The following PPP3CA variants were observed in gnomAD, a reference collection of about 807,000 sequenced individuals.
PPP3CA encodes the protein CAM-PRP catalytic subunit.
In PPP3CA, 14 loss-of-function variants were observed where a neutral mutation model predicts 66.5. The observed-to-expected ratio is 0.21, with a 90% CI of 0.14 to 0.33. PPP3CA has a LOEUF of 0.33. Among genes scored for constraint, PPP3CA ranks in the 10% least tolerant of loss-of-function variants. PPP3CA has a pLI of 1.00. For missense variants in PPP3CA, 317 were observed against 639.5 expected, an observed-to-expected ratio of 0.50 and a Z score of 5.44; for synonymous variants, 232 against 226.2, an observed-to-expected ratio of 1.03 and a Z score of -0.23.
At chr4:101,287,716 C>T (rs1389247534) in intron 1 of PPP3CA, among the ~76,000 whole-genome samples, 2 of 151,120 alleles carry the variant, frequency 1.3e-5, no homozygotes, top group Non-Finnish European at 2.9e-5. Flanking sequence ...ATACAGATCA[C>T]GTGGCATTAA....
At chr4:101,110,169 T>C (rs890495071) in intron 2 of PPP3CA, among the ~76,000 whole-genome samples, 2 of 152,206 alleles carry the variant, frequency 1.3e-5, no homozygotes, top group South Asian at 4.1e-4. Context: ...TGTGGCTGCT[T>C]CTGCAACACT....
At chr4:101,167,089 T>C (rs933639067) in intron 2 of PPP3CA, among the ~76,000 whole-genome samples, 6 of 152,160 alleles carry the variant, frequency 3.9e-5, no homozygotes, top group Admixed American at 3.3e-4. Context: ...TAACTAAACA[T>C]GTTGGCATCA....
At chr4:101,172,111 T>C (rs1723902321) in intron 2 of PPP3CA, among the ~76,000 whole-genome samples, 1 of 152,142 alleles carries the variant, frequency 6.6e-6, no homozygotes, top group Non-Finnish European at 1.5e-5. Flanking sequence ...AATGCCATCA[T>C]ATCCAGAGTA....
intron 2 of PPP3CA, among the ~76,000 whole-genome samples, chr4:101,173,919 G>A (rs1355935699): frequency 6.6e-6 from 1 of 152,054 alleles, no homozygotes; most frequent in Admixed American, 6.6e-5. Context: ...GGGAATGGTG[G>A]TGGGTGCCTG....
At position 101,251,335 on chromosome 4, in the gene PPP3CA, A is replaced by G. The variant is rs1726670788; in HGVS notation, c.59-55219T>C. ...TTCATTATATTGTACTTATAAATAA[A>G]GGGCCTTAGAAATCTTTACTTATGT... On this transcript the variant is annotated intron_variant, in intron 1 of 13. Transcript: ENST00000394854. Among the ~76,000 whole-genome samples, 5 of 152,240 alleles carry G rather than the reference A, an allele frequency of 3.3e-5. 1 individual carries two copies. In the South Asian group the frequency reaches 1.0e-3, roughly 32 times the overall value.
intron 2 of PPP3CA, among the ~76,000 whole-genome samples, chr4:101,185,918 A>C (rs1223425718): frequency 6.6e-6 from 1 of 152,164 alleles, no homozygotes; most frequent in Non-Finnish European, 1.5e-5. Flanking sequence ...ATATCCAAAG[A>C]ACACCTATCT....
chr4:101,045,469 C>T (rs1356605318), intron 10 of PPP3CA, among the ~76,000 whole-genome samples: 1 of 152,148 alleles, frequency 6.6e-6, no homozygotes, highest in Non-Finnish European at 1.5e-5. Flanking sequence ...AAACTGCTTG[C>T]AGGTACAAGA....
At chr4:101,166,500 C>T (rs1002730873) in intron 2 of PPP3CA, among the ~76,000 whole-genome samples, 3 of 151,822 alleles carry the variant, frequency 2.0e-5, no homozygotes, top group African/African-American at 4.8e-5. Context: ...GAAAGTTGTC[C>T]CAAAAAGGCA....
At chr4:101,070,777 C>T (rs1260535327) in intron 8 of PPP3CA, among the ~76,000 whole-genome samples, 1 of 152,074 alleles carries the variant, frequency 6.6e-6, no homozygotes, top group Non-Finnish European at 1.5e-5. Context: ...TGTGTTATAC[C>T]TACATACTAG....
intron 2 of PPP3CA, among the ~76,000 whole-genome samples, chr4:101,195,329 G>A (rs906938723): frequency 6.6e-6 from 1 of 151,246 alleles, no homozygotes; most frequent in Admixed American, 6.6e-5. Flanking sequence ...AGAAAAAAAT[G>A]TGTCCTTCTT....
chr4:101,139,696 G>GTT (rs372257350), intron 2 of PPP3CA, among the ~76,000 whole-genome samples: 1,646 of 98,274 alleles, frequency 0.017, 28 homozygotes, highest in Admixed American at 0.03. Flanking sequence ...TTTTTTTTGT[G>GTT]TTTTTTTTTT....
At chr4:101,291,262 C>A (rs1374574725) in intron 1 of PPP3CA, among the ~76,000 whole-genome samples, 1 of 152,142 alleles carries the variant, frequency 6.6e-6, no homozygotes, top group Admixed American at 6.5e-5. Context: ...GGGGCCAATT[C>A]TTCATTTGAA....
At chr4:101,179,605 T>C (rs1010262060) in intron 2 of PPP3CA, among the ~76,000 whole-genome samples, 4 of 152,092 alleles carry the variant, frequency 2.6e-5, no homozygotes, top group Non-Finnish European at 5.9e-5. Context: ...AACAAGTAAT[T>C]TGTCTCATCA....
chr4:101,126,003 G>T (rs1722233959), intron 2 of PPP3CA, among the ~76,000 whole-genome samples: 1 of 152,114 alleles, frequency 6.6e-6, no homozygotes, highest in Admixed American at 6.5e-5. Flanking sequence ...CATGGTAGGG[G>T]GTAGGAAGAG....
At chr4:101,029,369 A>AAAG (rs1726829217) in intron 12 of PPP3CA, among the ~76,000 whole-genome samples, 174 bp from the exon 13 acceptor site, 1 of 104,478 alleles carries the variant, frequency 9.6e-6, no homozygotes, top group African/African-American at 3.3e-5. Context: ...AAAAAAAAAA[A>AAAG]AAAGAAAAAA....
chr4:101,117,532 A>G (rs1211585283), intron 2 of PPP3CA, among the ~76,000 whole-genome samples: 1 of 151,696 alleles, frequency 6.6e-6, no homozygotes, highest in Non-Finnish European at 1.5e-5. Flanking sequence ...ATCTGATACC[A>G]CTATTTTTCC....
chr4:101,144,654 C>T (rs1425540271), intron 2 of PPP3CA, among the ~76,000 whole-genome samples: 1 of 152,032 alleles, frequency 6.6e-6, no homozygotes, highest in Non-Finnish European at 1.5e-5. Context: ...ACTATGATAC[C>T]ACTAAGGGCA....
chr4:101,146,361 T>G (rs1379780098), intron 2 of PPP3CA, among the ~76,000 whole-genome samples: 1 of 152,240 alleles, frequency 6.6e-6, no homozygotes, highest in Non-Finnish European at 1.5e-5. Flanking sequence ...TGAAAGTCAG[T>G]GTTATCCTAT....
chr4:101,108,540 C>T (rs960716923), intron 3 of PPP3CA, among the ~76,000 whole-genome samples: 11 of 152,032 alleles, frequency 7.2e-5, no homozygotes, highest in Admixed American at 3.3e-4. Flanking sequence ...CCGAGGTGGG[C>T]GGATCATCTG....
Sources: gnomAD v4.1 joint callset for allele counts (sites outside exome capture counted in the v4.1 genomes callset) on GRCh38, gnomAD v4.1.1 for gene constraint, MANE v1.5 for transcripts, NCBI Gene and HGNC (gene_info 2026-07-23, HGNC 2026-07-21) for gene names.